Variants in CSMD1 observed in about 807,000 individuals in gnomAD.
CSMD1 encodes CUB and Sushi multiple domains 1.
In CSMD1, 213 loss-of-function variants were observed where a neutral mutation model predicts 417.5. The ratio of observed to expected loss-of-function variants is 0.51; its 90% CI spans 0.46 to 0.57. The LOEUF is 0.57. CSMD1 is among the 20% of genes least tolerant of loss of function. The pLI, the probability that CSMD1 is intolerant of heterozygous loss-of-function variation, is 0.00. For synonymous variants in CSMD1, 2,862 were observed against 1,736.8 expected, an observed-to-expected ratio of 1.65 and a Z score of -16.11; for missense variants, 6,923 against 4,529.7, an observed-to-expected ratio of 1.53 and a Z score of -15.17.
chr8:3,932,110 G>C (rs1017656943), intron 5 of CSMD1, among the ~76,000 whole-genome samples: 2 of 150,302 alleles, frequency 1.3e-5, no homozygotes, highest in Non-Finnish European at 3.0e-5. Flanking sequence ...TAACATTCTT[G>C]AAAGTAGATG....
chr8:3,997,149 C>A (rs531501323), intron 5 of CSMD1, among the ~76,000 whole-genome samples: 1 of 152,132 alleles, frequency 6.6e-6, no homozygotes, highest in Non-Finnish European at 1.5e-5. Flanking sequence ...ATAATAAAAA[C>A]AATAACACAA....
chr8:3,888,950 T>C (rs931905904), intron 5 of CSMD1, among the ~76,000 whole-genome samples: 3 of 152,298 alleles, frequency 2.0e-5, no homozygotes, highest in South Asian at 2.1e-4. Context: ...GAAGATTTTA[T>C]TAATTGTATT....
intron 2 of CSMD1, among the ~76,000 whole-genome samples, chr8:4,485,984 G>A (rs1801357761): frequency 6.6e-6 from 1 of 151,668 alleles, no homozygotes; most frequent in African/African-American, 2.4e-5. Flanking sequence ...TGGAAGATCT[G>A]CTTGTGAATC....
chr8:3,957,005 C>G (rs549516333), intron 5 of CSMD1, among the ~76,000 whole-genome samples: 1 of 152,160 alleles, frequency 6.6e-6, no homozygotes, highest in East Asian at 1.9e-4. Flanking sequence ...AAATGAAACC[C>G]ACATGGAAGT....
chr8:4,102,831 G>T (rs1184138615), intron 3 of CSMD1, among the ~76,000 whole-genome samples: 1 of 152,108 alleles, frequency 6.6e-6, no homozygotes, highest in Non-Finnish European at 1.5e-5. Flanking sequence ...TTCATATCCT[G>T]CTTGATATCA....
chr8:4,632,594 G>A (rs1240129285), intron 2 of CSMD1, among the ~76,000 whole-genome samples: 5 of 152,102 alleles, frequency 3.3e-5, no homozygotes, highest in African/African-American at 1.2e-4. Context: ...CTTAGCCTCA[G>A]AGGATTATGT....
chr8:4,467,095 CTT>C (rs1340927251), intron 2 of CSMD1, among the ~76,000 whole-genome samples: 1 of 133,112 alleles, frequency 7.5e-6, no homozygotes, highest in Non-Finnish European at 1.6e-5. Flanking sequence ...CAAATTTCAA[CTT>C]AGTCTTGCTC....
At chr8:4,966,209 C>CAAA (rs33941630) in intron 1 of CSMD1, among the ~76,000 whole-genome samples, 3,188 of 89,034 alleles carry the variant, frequency 0.036, 76 homozygotes, top group South Asian at 0.049. Flanking sequence ...ACTAAATATA[C>CAAA]AAAAAAAAAA....
At chr8:3,497,049 T>A (rs1585253984) in intron 10 of CSMD1, among the ~76,000 whole-genome samples, 1 of 152,340 alleles carries the variant, frequency 6.6e-6, no homozygotes, top group East Asian at 1.9e-4. Context: ...ACCCTTGTTT[T>A]GTGGGATAAC....
chr8:4,950,466 G>A (rs986115992), intron 1 of CSMD1, among the ~76,000 whole-genome samples: 1 of 152,014 alleles, frequency 6.6e-6, no homozygotes, highest in African/African-American at 2.4e-5. Context: ...CAGAACACCT[G>A]CAAAATAGGA....
Position 4,442,549 on chromosome 8 carries a change from T to A in CSMD1, c.303-22484A>T, listed in dbSNP as rs959756064. Among the ~76,000 whole-genome samples, 4 of 152,310 alleles carry A rather than the reference T, an allele frequency of 2.6e-5. 1 individual carries two copies. Among genetic ancestry groups the A allele is most frequent in the South Asian group, 4.1e-4 (2 of 4,828 alleles). Reference sequence around the variant, plus strand: ...TACCTGAAGAACCTCTCAAACCATATGCAACTAAAGAGATTTTATCTTGTT... The same window carrying A: ...TACCTGAAGAACCTCTCAAACCATAAGCAACTAAAGAGATTTTATCTTGTT... On this transcript the variant is annotated intron_variant, in intron 2 of 69. Transcript: ENST00000635120.
intron 10 of CSMD1, among the ~76,000 whole-genome samples, chr8:3,545,653 A>T (rs1016194751): frequency 1.3e-5 from 2 of 152,198 alleles, no homozygotes; most frequent in Admixed American, 1.3e-4. Flanking sequence ...TCAGCGGTGG[A>T]CAACTTACAG....
chr8:4,971,567 T>C (rs1454383388), intron 1 of CSMD1, among the ~76,000 whole-genome samples: 1 of 152,008 alleles, frequency 6.6e-6, no homozygotes, highest in Non-Finnish European at 1.5e-5. Flanking sequence ...GAAATATATT[T>C]AGCAGTAGGC....
rs1462559856 is a variant in CSMD1 at position 4,146,569 on chromosome 8, T to C, written c.416-114470A>G. Among the ~76,000 whole-genome samples, 6 of 146,330 alleles carry C rather than the reference T, an allele frequency of 4.1e-5. 1 individual carries two copies. Among genetic ancestry groups the C allele is most frequent in the East Asian group, 2.0e-4 (1 of 5,046 alleles). On this transcript the variant is annotated intron_variant, in intron 3 of 69. Coordinates refer to ENST00000635120, the MANE Select transcript of CSMD1 (RefSeq NM_033225.6). ...TCCAGGGAAGGAAGCTCCATTATTA[T>C]CTGTCTAAATGTTTATATGGACACA...
chr8:3,823,565 T>C (rs559870856), intron 5 of CSMD1, among the ~76,000 whole-genome samples: 1 of 152,274 alleles, frequency 6.6e-6, no homozygotes, highest in Admixed American at 6.5e-5. Context: ...AAATTTACAA[T>C]TATAATGCAA....
intron 33 of CSMD1, among the ~76,000 whole-genome samples, chr8:3,196,611 A>C (rs1796716802): frequency 6.6e-6 from 1 of 152,084 alleles, no homozygotes; most frequent in South Asian, 2.1e-4. Context: ...TTAGCTTCTC[A>C]ATTCTATTTG....
chr8:4,406,660 C>G (rs549298108), intron 3 of CSMD1, among the ~76,000 whole-genome samples: 1 of 152,140 alleles, frequency 6.6e-6, no homozygotes, highest in Non-Finnish European at 1.5e-5. Flanking sequence ...GGGCACTCCT[C>G]CTGGCCATGC....
At chr8:3,812,985 A>T (rs924414054) in intron 5 of CSMD1, among the ~76,000 whole-genome samples, 2 of 152,106 alleles carry the variant, frequency 1.3e-5, no homozygotes, top group Non-Finnish European at 2.9e-5. Context: ...TCTTGGGAGG[A>T]AATCTGGAAT....
chr8:3,366,368 A>C (rs908823816), intron 20 of CSMD1, among the ~76,000 whole-genome samples: 4 of 145,950 alleles, frequency 2.7e-5, no homozygotes, highest in African/African-American at 1.0e-4. Flanking sequence ...AAGTGGCGGC[A>C]ATTTTTTCTT....
Sources: allele counts gnomAD v4.1 joint callset (sites outside exome capture counted in the v4.1 genomes callset), GRCh38; gene constraint gnomAD v4.1.1; transcripts MANE v1.5; gene names NCBI Gene and HGNC (gene_info 2026-07-23, HGNC 2026-07-21).